EYA2: variants seen among roughly 807,000 people sequenced by gnomAD.
The protein encoded by EYA2 is protein phosphatase EYA2.
Under a neutral mutation model 69.2 loss-of-function variants are expected in EYA2, and 31 were observed. The ratio of observed to expected loss-of-function variants is 0.45; its 90% confidence interval spans 0.34 to 0.60. EYA2 has a LOEUF of 0.60. Ranked by LOEUF, EYA2 falls within the 20% of genes least tolerant of loss-of-function variation. The probability of loss-of-function intolerance (pLI) is 0.02; values close to 1 mark genes in which losing one functional copy is unlikely to be tolerated. For synonymous variants in EYA2, 257 were observed against 279.4 expected (o/e 0.92, Z 0.80); for missense variants, 622 against 701.2 (o/e 0.89, Z 1.28).
chr20:47,155,542 TG>T (rs1160532921), intron 10 of EYA2, among the ~76,000 whole-genome samples: 44 of 152,034 alleles, frequency 2.9e-4, no homozygotes, highest in African/African-American at 1.0e-3. Context: ...TGTATCCCCA[TG>T]TTAGAGATGG....
chr20:47,116,152 A>G (rs1466584617), intron 9 of EYA2, among the ~76,000 whole-genome samples: 1 of 149,102 alleles, frequency 6.7e-6, no homozygotes, highest in African/African-American at 2.5e-5. Flanking sequence ...TTGATTATAG[A>G]ATAACATCAT....
intron 1 of EYA2, among the ~76,000 whole-genome samples, chr20:46,987,920 C>G (rs111724075): frequency 5.5e-5 from 1 of 18,166 alleles, no homozygotes; most frequent in Non-Finnish European, 9.5e-5. Context: ...GAGTAAGTCT[C>G]TCTCTCTCTC....
chr20:46,966,897 T>C (rs1294643322), intron 1 of EYA2, among the ~76,000 whole-genome samples: 1 of 152,208 alleles, frequency 6.6e-6, no homozygotes, highest in Non-Finnish European at 1.5e-5. Flanking sequence ...CATCCATACT[T>C]TTAAGATTAC....
At position 46,904,399 on chromosome 20, in the gene EYA2, A is replaced by G. The variant is rs1984256983; in HGVS notation, c.-11+9412A>G. On this transcript the variant is annotated intron_variant, in intron 1 of 15. Coordinates refer to ENST00000327619, the MANE Select transcript of EYA2 (RefSeq NM_005244.5). Reference sequence around the variant, plus strand: ...TTTAAAACTGCCAAACAGATTTAAAATAATATTCATTACACAAAATTAAAA... The same window carrying G: ...TTTAAAACTGCCAAACAGATTTAAAGTAATATTCATTACACAAAATTAAAA... 2.6e-5 allele frequency among the ~76,000 whole-genome samples: 4 copies of G among 152,202 alleles called. No individual in the cohort carries two copies. In the South Asian group the frequency reaches 8.3e-4, roughly 32 times the overall value.
intron 1 of EYA2, among the ~76,000 whole-genome samples, chr20:46,981,706 T>A (rs1437153070): frequency 6.6e-6 from 1 of 152,182 alleles, no homozygotes; most frequent in African/African-American, 2.4e-5. Flanking sequence ...TCCCTGTAAA[T>A]CTCTAATAAT....
chr20:47,107,520 T>A (rs1311745056), intron 9 of EYA2, among the ~76,000 whole-genome samples: 1 of 58,484 alleles, frequency 1.7e-5, no homozygotes, highest in African/African-American at 6.2e-5. Flanking sequence ...AGTGAGACTC[T>A]GTATCAAAAA....
At chr20:47,111,210 A>G (rs148187473) in intron 9 of EYA2, among the ~76,000 whole-genome samples, 15 of 152,360 alleles carry the variant, frequency 9.8e-5, no homozygotes, top group Non-Finnish European at 1.9e-4. Flanking sequence ...ATCTGAATGC[A>G]TTGAGAGGAT....
In EYA2 at chr20:47,021,548, A is replaced by G. The variant is rs554720766; in HGVS notation, c.415+5251A>G. 7.4e-5 allele frequency among the ~76,000 whole-genome samples: 11 copies of G among 148,190 alleles called. No homozygotes were observed. In the East Asian group the frequency reaches 8.0e-4, roughly 11 times the overall value. On this transcript the variant is annotated intron_variant, in intron 5 of 15. Coordinates refer to ENST00000327619, the MANE Select transcript of EYA2 (RefSeq NM_005244.5). ...AGGCTGAGGCAGGAGAATCGCTTGA[A>G]CCCGGGTAGTGGAGGTTGCAGTGAG... is the stretch of plus-strand genomic sequence containing the variant.
intron 11 of EYA2, among the ~76,000 whole-genome samples, chr20:47,170,828 C>T (rs970458458): frequency 5.3e-5 from 8 of 152,176 alleles, no homozygotes; most frequent in Admixed American, 2.6e-4. Flanking sequence ...GTTTTGGTTA[C>T]GGGATCAGTC....
intron 1 of EYA2, among the ~76,000 whole-genome samples, chr20:46,960,785 G>A (rs1049498975): frequency 6.6e-5 from 10 of 152,320 alleles, no homozygotes; most frequent in South Asian, 2.1e-4. Context: ...CCGTCTGGCC[G>A]TTTACAGTAA....
intron 7 of EYA2, among the ~76,000 whole-genome samples, chr20:47,077,753 C>A (rs1408934029): frequency 6.6e-6 from 1 of 152,062 alleles, no homozygotes; most frequent in African/African-American, 2.4e-5. Flanking sequence ...TGATCTCATC[C>A]CAGAATATTT....
intron 5 of EYA2, among the ~76,000 whole-genome samples, chr20:47,035,878 G>A (rs1984679103): frequency 6.6e-6 from 1 of 152,088 alleles, no homozygotes; most frequent in Non-Finnish European, 1.5e-5. Flanking sequence ...ATGTGTGGTG[G>A]CGTGCACCTG....
intron 5 of EYA2, among the ~76,000 whole-genome samples, chr20:47,053,178 T>C (rs1304134151): frequency 2.0e-5 from 3 of 152,094 alleles, no homozygotes; most frequent in Non-Finnish European, 4.4e-5. Flanking sequence ...CATTTTTTCT[T>C]CTAGATGAAA....
chr20:46,938,098 C>A (rs1355454326), intron 1 of EYA2, among the ~76,000 whole-genome samples: 1 of 152,304 alleles, frequency 6.6e-6, no homozygotes, highest in East Asian at 1.9e-4. Context: ...AGATTCAAAT[C>A]GAGGCAGCTC....
intron 10 of EYA2, among the ~76,000 whole-genome samples, chr20:47,165,823 G>A (rs114266784): frequency 0.018 from 2,810 of 152,122 alleles, 97 homozygotes; most frequent in African/African-American, 0.064. Context: ...GCTCCCCACA[G>A]GGCAACCCAG....
chr20:47,178,821 G>GGGGGTGGATGGATGGATGT (rs2034475073), intron 12 of EYA2, among the ~76,000 whole-genome samples: 1 of 108,940 alleles, frequency 9.2e-6, no homozygotes, highest in African/African-American at 4.0e-5. Context: ...GGATGGGTGG[G>GGGGGTGGATGGATGGATGT]TGGGTGGATG....
chr20:47,035,415 A>G (rs917384048), intron 5 of EYA2, among the ~76,000 whole-genome samples: 9 of 152,128 alleles, frequency 5.9e-5, no homozygotes, highest in African/African-American at 2.2e-4. Context: ...ATCTCTTTCA[A>G]AGATCTCAAA....
intron 8 of EYA2, among the ~76,000 whole-genome samples, chr20:47,090,481 C>T (rs1029904623): frequency 1.3e-5 from 2 of 151,958 alleles, no homozygotes; most frequent in Non-Finnish European, 2.9e-5. Flanking sequence ...CTCAACTGAC[C>T]TACCCGCCTT....
Position 47,089,839 on chromosome 20 carries a change from A to G in EYA2, c.804+458A>G, listed in dbSNP as rs563640832. 3.5e-4 allele frequency among the ~76,000 whole-genome samples: 53 copies of G among 152,180 alleles called. 1 individual carries two copies. In the South Asian group the frequency reaches 9.3e-3, roughly 27 times the overall value. On this transcript the variant is annotated intron_variant, in intron 8 of 15. Transcript: ENST00000327619. The stretch of plus-strand genomic sequence containing the variant: ...TGGTTACACAGCAGAATCATCTGGG[A>G]TGCTCTTTAAAAAACAGATACCCTG...
Sources: allele counts gnomAD v4.1 joint callset (sites outside exome capture counted in the v4.1 genomes callset), GRCh38; gene constraint gnomAD v4.1.1; transcripts MANE v1.5; gene names NCBI Gene and HGNC (gene_info 2026-07-23, HGNC 2026-07-21).